AHI1: variants seen among roughly 807,000 people sequenced by gnomAD.
AHI1 encodes jouberin.
In AHI1, 123 loss-of-function variants were observed where a neutral mutation model predicts 149.3. That is an observed-to-expected ratio of 0.82 (90% CI 0.71 to 0.96). The LOEUF (loss-of-function observed/expected upper bound fraction) is 0.96. Among genes scored for constraint, AHI1 ranks in the 40% least tolerant of loss-of-function variants. The pLI, the probability that AHI1 is intolerant of heterozygous loss-of-function variation, is 0.00. For missense variants in AHI1, 1,439 were observed against 1,422.7 expected (o/e 1.01, Z -0.18); for synonymous variants, 475 against 459.8 (o/e 1.03, Z -0.42).
At chr6:135,476,233 T>C (rs1261670358) in intron 5 of AHI1, among the ~76,000 whole-genome samples, 1 of 152,186 alleles carries the variant, frequency 6.6e-6, no homozygotes, top group Non-Finnish European at 1.5e-5. Context: ...CTTATTGAAC[T>C]TCCAAATATT....
At chr6:135,323,125 C>T in intron 25 of AHI1, 37 bp downstream of exon 25, 1 of 1,571,016 alleles carries the variant, frequency 6.4e-7, no homozygotes. Context: ...ATCAGTTATA[C>T]CATACTAGTA....
At chr6:135,372,519 A>G (rs201753014) in intron 23 of AHI1, among the ~76,000 whole-genome samples, 5 of 33,062 alleles carry the variant, frequency 1.5e-4, no homozygotes, top group South Asian at 1.9e-3. Context: ...AAAAAAAAAG[A>G]AAAAAAAAAA....
At chr6:135,420,139 C>T (rs1782944523) in intron 20 of AHI1, among the ~76,000 whole-genome samples, 1 of 152,074 alleles carries the variant, frequency 6.6e-6, no homozygotes, top group Admixed American at 6.6e-5. Flanking sequence ...GTCTTGAAGC[C>T]CTCAGAGTCA....
At chr6:135,428,782 A>C in intron 18 of AHI1, 23 bp from the exon 19 acceptor site, 1 of 1,581,246 alleles carries the variant, frequency 6.3e-7, no homozygotes. Flanking sequence ...AAGATTTTAC[A>C]AATGTAACTG....
chr6:135,314,598 T>C (rs528944770), intron 26 of AHI1, among the ~76,000 whole-genome samples: 1 of 152,320 alleles, frequency 6.6e-6, no homozygotes, highest in African/African-American at 2.4e-5. Flanking sequence ...AGTCCTTACA[T>C]TGTTGTAGGC....
intron 27 of AHI1, 106 bp from the exon 28 acceptor site, chr6:135,290,631 G>T: frequency 9.4e-7 from 1 of 1,059,494 alleles, no homozygotes; most frequent in South Asian, 1.3e-5. Flanking sequence ...CAAAAATGGG[G>T]ATAAATGTGA....
At chr6:135,389,155 CA>C (rs1778076108) in intron 23 of AHI1, among the ~76,000 whole-genome samples, 1 of 149,206 alleles carries the variant, frequency 6.7e-6, no homozygotes. Context: ...CTAAAAAACA[CA>C]AAAAATTAGC....
intron 26 of AHI1, chr6:135,302,729 C>T (rs1325521920): frequency 7.8e-7 from 1 of 1,276,616 alleles, no homozygotes; most frequent in African/African-American, 1.5e-5. Flanking sequence ...TTGGTCTCAG[C>T]AGCAGCACGT....
intron 23 of AHI1, among the ~76,000 whole-genome samples, chr6:135,364,853 C>T (rs1436567384): frequency 6.6e-6 from 1 of 152,152 alleles, no homozygotes; most frequent in African/African-American, 2.4e-5. Flanking sequence ...TACCGTCCAG[C>T]TTCGGCTTGG....
chr6:135,433,233 T>A lies in AHI1; in HGVS notation c.2060A>T (p.Asn687Ile). 2 of 1,607,684 alleles carry A rather than the reference T, an allele frequency of 1.2e-6. No homozygotes were observed. The highest frequency in any genetic ancestry group is 1.7e-6 in the Non-Finnish European group (2 of 1,174,562). ...AGGTAAAACTCTGAAAGTATTTGTA[T>A]TGTTTATTTCATTTTTCCATATCCT... ...TARIWKNEIN[N>I]TNTFRVLPHP... The change falls in exon 16 of 29, where the codon AAT (asparagine) becomes ATT (isoleucine). Residue 687 changes from asparagine to isoleucine, a missense_variant. By Grantham distance (149) the Asn-to-Ile change is moderately radical (BLOSUM62 -3). Transcript: ENST00000265602.
chr6:135,492,225 T>C lies in AHI1; in HGVS notation c.10+3A>G. 6.5e-7 allele frequency: 1 copy of C among 1,530,582 alleles called. No homozygotes were observed. Among genetic ancestry groups the C allele is most frequent in the Non-Finnish European group, 8.8e-7 (1 of 1,135,326 alleles). The allele number at this position is 1,530,582 out of a possible 1,614,324, so 94.8% of individuals were successfully genotyped here. On this transcript the variant is annotated splice_donor_region_variant and intron_variant, in intron 4 of 28. Transcript: ENST00000265602. ...TTATACATAAATTTCATAGAAGTCT[T>C]ACCTGTAGGCATCTCTCAGCTTTAT...
intron 13 of AHI1, among the ~76,000 whole-genome samples, chr6:135,444,860 GA>G (rs1185041919): frequency 1.3e-5 from 2 of 152,192 alleles, no homozygotes; most frequent in Non-Finnish European, 2.9e-5. Context: ...TAACACCTTA[GA>G]ATCATTATGA....
At position 135,421,076 on chromosome 6, in the gene AHI1, G is replaced by T. The variant is rs114290418; in HGVS notation, c.2764+6091C>A. ...AGGGAGAGAAATGGGAGAACGGCTG[G>T]TGGGTGGGGCAGTCAGAACACTGAA... On this transcript the variant is annotated intron_variant, in intron 20 of 28. Coordinates refer to ENST00000265602, the MANE Select transcript of AHI1 (RefSeq NM_001134831.2). Among the ~76,000 whole-genome samples the T allele has an allele frequency of 7.6e-3, 1,150 of 152,246 alleles. 18 individuals are homozygous for T. The highest frequency in any genetic ancestry group is 0.026 in the African/African-American group (1,091 of 41,544).
At chr6:135,415,609 G>T (rs1782259177) in intron 20 of AHI1, among the ~76,000 whole-genome samples, 1 of 152,196 alleles carries the variant, frequency 6.6e-6, no homozygotes, top group East Asian at 1.9e-4. Context: ...AGCTTCTTAA[G>T]AAGTCAAACA....
At chr6:135,319,173 G>A (rs1293502743) in intron 25 of AHI1, among the ~76,000 whole-genome samples, 3 of 152,224 alleles carry the variant, frequency 2.0e-5, no homozygotes. Context: ...GATTTTACCA[G>A]TCAGAGGTAC....
At chr6:135,454,756 T>C (rs1170909431) in intron 10 of AHI1, among the ~76,000 whole-genome samples, 1 of 152,178 alleles carries the variant, frequency 6.6e-6, no homozygotes, top group African/African-American at 2.4e-5. Flanking sequence ...AGAAGAAAAT[T>C]GTAACAAATG....
intron 4 of AHI1, among the ~76,000 whole-genome samples, chr6:135,491,335 T>G (rs550385277): frequency 6.6e-6 from 1 of 152,314 alleles, no homozygotes; most frequent in Admixed American, 6.5e-5. Context: ...AAATATCCCC[T>G]TAGATGCCTA....
In AHI1 at chr6:135,448,551, A is replaced by G. The variant is rs11964449; in HGVS notation, c.1441-76T>C. ...TCCAATAAAGCAATAGCATAAAGTC[A>G]GAAACATTTTTAAAAGATTAATATG... On this transcript the variant is annotated intron_variant, in intron 11 of 28. Transcript: ENST00000265602. 37,963 of 1,167,010 alleles carry G rather than the reference A, an allele frequency of 0.033. 2,022 individuals are homozygous for G. The highest frequency in any genetic ancestry group is 0.22 in the African/African-American group (14,457 of 65,090). The allele number at this position is 1,167,010 out of a possible 1,614,324, so 72.3% of individuals were successfully genotyped here.
chr6:135,400,598 C>A (rs1333343089), intron 22 of AHI1, among the ~76,000 whole-genome samples: 1 of 152,112 alleles, frequency 6.6e-6, no homozygotes, highest in Non-Finnish European at 1.5e-5. Context: ...GTGTGTTATT[C>A]CTCCCTGAGG....
Sources: gnomAD v4.1 joint callset for allele counts (sites outside exome capture counted in the v4.1 genomes callset) on GRCh38, gnomAD v4.1.1 for gene constraint, MANE v1.5 for transcripts, NCBI Gene and HGNC (gene_info 2026-07-23, HGNC 2026-07-21) for gene names.